Variants in LRCH1 observed in about 807,000 individuals in gnomAD.
LRCH1 encodes the protein leucine rich repeats and calponin homology domain containing 1.
In LRCH1, 23 loss-of-function variants were observed where a neutral mutation model predicts 94.9. The ratio of observed to expected loss-of-function variants is 0.24; its 90% CI spans 0.17 to 0.34. LRCH1 has a LOEUF of 0.34. Among genes scored for constraint, LRCH1 ranks in the 10% least tolerant of loss-of-function variants. The probability of loss-of-function intolerance (pLI) is 1.00; values close to 1 mark genes in which losing one functional copy is unlikely to be tolerated. For synonymous variants in LRCH1, 364 were observed against 354.9 expected (o/e 1.03, Z -0.29); for missense variants, 790 against 945.9 (o/e 0.84, Z 2.16).
rs1257413165 is a variant in LRCH1, at chr13:46,681,773, C to T, written c.612C>T (p.Pro204=). Residue 204 remains proline, a synonymous_variant, in exon 4 of 20, where the codon CCC becomes CCT. Transcript: ENST00000389797. The part of the protein sequence containing the change: ...DVSCNEITAL[P]QQIGQLKSLR... Reference sequence around the variant, plus strand: ...GCTGCAACGAGATCACAGCGTTGCCCCAGCAGATAGGTCAGTTGAAATCTC... The same window carrying T: ...GCTGCAACGAGATCACAGCGTTGCCTCAGCAGATAGGTCAGTTGAAATCTC... The T allele has an allele frequency of 6.2e-7, 1 of 1,613,530 alleles. No homozygotes were observed. The highest frequency in any genetic ancestry group is 8.5e-7 in the Non-Finnish European group (1 of 1,179,644).
At chr13:46,633,429 C>G (rs1318593270) in intron 1 of LRCH1, among the ~76,000 whole-genome samples, 1 of 152,170 alleles carries the variant, frequency 6.6e-6, no homozygotes, top group Non-Finnish European at 1.5e-5. Context: ...AGGGTATCAG[C>G]AGAATGCCAT....
intron 18 of LRCH1, chr13:46,750,479 A>G: frequency 8.5e-7 from 1 of 1,183,336 alleles, no homozygotes; most frequent in Non-Finnish European, 1.2e-6. Flanking sequence ...ACGATGTAGC[A>G]GGATTTTACA....
At chr13:46,749,450 G>A (rs970383903), downstream of LRCH1, among the ~76,000 whole-genome samples, 2 of 152,086 alleles carry the variant, frequency 1.3e-5, no homozygotes, top group African/African-American at 2.4e-5. Context: ...TCATCATAAT[G>A]TATTTTATAC....
intron 1 of LRCH1, among the ~76,000 whole-genome samples, chr13:46,558,719 C>T (rs2137895527): frequency 6.6e-6 from 1 of 151,600 alleles, no homozygotes; most frequent in African/African-American, 2.4e-5. Flanking sequence ...GGCGACAGAA[C>T]AAGACTCTGT....
At chr13:46,748,445 T>C (rs1873995901), downstream of LRCH1, among the ~76,000 whole-genome samples, 1 of 152,210 alleles carries the variant, frequency 6.6e-6, no homozygotes, top group Admixed American at 6.5e-5. Context: ...TTGGGTGCTG[T>C]CAGAGCCAAT....
chr13:46,553,418 C>A lies in LRCH1; in HGVS notation c.22C>A (p.Pro8Thr). Residue 8 changes from proline (P) to threonine (T), a missense_variant, in exon 1 of 20, where the codon CCC (proline) becomes ACC (threonine). Physicochemically the swap from Pro to Thr is conservative, Grantham distance 38 (BLOSUM62 -1). This residue lies in a region of LRCH1 where 136 missense variants were observed against 143.5 expected (regional missense o/e 0.95). Transcript: ENST00000389797. Reference sequence around the variant, plus strand: ...GAAGATGGCGACGCCGGGAAGCGAACCCCAACCTTTCGTCCCGGCCCTTTC... The same window carrying A: ...GAAGATGGCGACGCCGGGAAGCGAAACCCAACCTTTCGTCCCGGCCCTTTC... MATPGSE[P>T]QPFVPALSVA... The A allele has an allele frequency of 6.5e-7, 1 of 1,545,452 alleles. No homozygotes were observed.
chr13:46,678,288 C>A (rs1380109272), intron 3 of LRCH1, among the ~76,000 whole-genome samples: 1 of 152,204 alleles, frequency 6.6e-6, no homozygotes, highest in Non-Finnish European at 1.5e-5. Flanking sequence ...CTGTTTCTTT[C>A]TCCTTAACCC....
chr13:46,595,288 C>T (rs2050547701), intron 1 of LRCH1, among the ~76,000 whole-genome samples: 1 of 152,164 alleles, frequency 6.6e-6, no homozygotes, highest in Non-Finnish European at 1.5e-5. Flanking sequence ...AGAAACCATA[C>T]CTTTCCTGAT....
intron 2 of LRCH1, among the ~76,000 whole-genome samples, chr13:46,655,261 C>CTAGTTGTCTCTAATT (rs2051356329): frequency 6.6e-6 from 1 of 152,120 alleles, no homozygotes; most frequent in Non-Finnish European, 1.5e-5. Context: ...CCAACAACCT[C>CTAGTTGTCTCTAATT]TAGTCCTAAA....
intron 1 of LRCH1, among the ~76,000 whole-genome samples, chr13:46,567,968 T>C (rs1303069205): frequency 3.3e-5 from 5 of 152,222 alleles, no homozygotes; most frequent in African/African-American, 1.2e-4. Context: ...AGCCTTGGTC[T>C]TTCTCAAGTG....
intron 1 of LRCH1, among the ~76,000 whole-genome samples, chr13:46,649,807 C>T (rs2051268864): frequency 7.0e-6 from 1 of 142,470 alleles, no homozygotes; most frequent in East Asian, 2.0e-4. Context: ...CTGGTATAGG[C>T]AACCAAGTGA....
chr13:46,641,001 G>A (rs559800724), intron 1 of LRCH1, among the ~76,000 whole-genome samples: 5 of 152,302 alleles, frequency 3.3e-5, no homozygotes, highest in Admixed American at 6.5e-5. Flanking sequence ...CCCTGGAAGC[G>A]TTGGGTTGTT....
intron 8 of LRCH1, 50 bp from the exon 9 acceptor site, chr13:46,694,843 T>C: frequency 3.7e-6 from 6 of 1,602,636 alleles, no homozygotes; most frequent in Non-Finnish European, 4.3e-6. Flanking sequence ...TGTGTTTTGC[T>C]CTTCTGTTCA....
intron 1 of LRCH1, among the ~76,000 whole-genome samples, chr13:46,581,056 A>G (rs1426964880): frequency 6.6e-6 from 1 of 152,192 alleles, no homozygotes; most frequent in Non-Finnish European, 1.5e-5. Context: ...AGACTGCCTC[A>G]CCAATGGATC....
At chr13:46,679,810 T>C (rs1286038186) in intron 3 of LRCH1, 1 of 152,342 alleles carries the variant, frequency 6.6e-6, no homozygotes, top group African/African-American at 2.4e-5. Context: ...CATTCCTTTT[T>C]AGCAAGAGTG....
At chr13:46,620,113 A>G (rs2050863731) in intron 1 of LRCH1, among the ~76,000 whole-genome samples, 1 of 152,200 alleles carries the variant, frequency 6.6e-6, no homozygotes, top group Admixed American at 6.5e-5. Context: ...ACAAGTAGGA[A>G]AAGGTATAGA....
intron 1 of LRCH1, among the ~76,000 whole-genome samples, chr13:46,597,666 GT>G (rs1304124355): frequency 2.0e-5 from 3 of 152,088 alleles, no homozygotes; most frequent in Non-Finnish European, 4.4e-5. Flanking sequence ...CCTGTCCAGT[GT>G]TTTTAAGTGC....
intron 2 of LRCH1, among the ~76,000 whole-genome samples, chr13:46,665,801 A>T (rs1335557069): frequency 6.6e-6 from 1 of 152,186 alleles, no homozygotes; most frequent in Non-Finnish European, 1.5e-5. Context: ...CCAGGGGTGT[A>T]GGATAGTGGA....
chr13:46,566,713 AG>A (rs1202583061), intron 1 of LRCH1, among the ~76,000 whole-genome samples: 1 of 152,220 alleles, frequency 6.6e-6, no homozygotes, highest in African/African-American at 2.4e-5. Flanking sequence ...CCAGAGAAGG[AG>A]ATTTTGCAGA....
Sources: gnomAD v4.1 joint callset for allele counts (sites outside exome capture counted in the v4.1 genomes callset) on GRCh38, gnomAD v4.1.1 for gene constraint, gnomAD v4.1.1 regional missense constraint, MANE v1.5 for transcripts, NCBI Gene and HGNC (gene_info 2026-07-23, HGNC 2026-07-21) for gene names.